Variants in EXOC6B observed in about 807,000 individuals in gnomAD.
The protein encoded by EXOC6B is SEC15 homolog B.
A neutral mutation model predicts 113.5 loss-of-function variants in EXOC6B; 54 were observed. That is an observed-to-expected ratio of 0.48 (90% CI 0.38 to 0.60). The LOEUF is 0.60. Among genes scored for constraint, EXOC6B ranks in the 20% least tolerant of loss-of-function variants. EXOC6B has a pLI of 0.00. For synonymous variants in EXOC6B, 357 were observed against 339.0 expected, an observed-to-expected ratio of 1.05 and a Z score of -0.58; for missense variants, 797 against 977.5, an observed-to-expected ratio of 0.82 and a Z score of 2.46.
At chr2:72,278,437 G>A (rs1004873289) in intron 20 of EXOC6B, among the ~76,000 whole-genome samples, 6 of 152,118 alleles carry the variant, frequency 3.9e-5, no homozygotes, top group African/African-American at 1.4e-4. Context: ...CTTTTCCCTT[G>A]TCTGACATTC....
intron 1 of EXOC6B, among the ~76,000 whole-genome samples, chr2:72,789,134 G>A (rs1684536007): frequency 6.6e-6 from 1 of 152,108 alleles, no homozygotes; most frequent in Non-Finnish European, 1.5e-5. Context: ...TTTCTAATTA[G>A]AATGAGCAAA....
chr2:72,814,863 C>G (rs1015522413), intron 1 of EXOC6B, among the ~76,000 whole-genome samples: 12 of 152,090 alleles, frequency 7.9e-5, no homozygotes, highest in African/African-American at 2.7e-4. Flanking sequence ...TGGTGGCAGG[C>G]GCCTGTAGTC....
Position 72,279,815 on chromosome 2 carries a change from G to GT in EXOC6B, c.2196+55131dup, listed in dbSNP as rs1016118091. Among the ~76,000 whole-genome samples the GT allele has an allele frequency of 7.6e-4, 115 of 150,818 alleles. 1 individual carries two copies. Among genetic ancestry groups the GT allele is most frequent in the African/African-American group, 2.7e-3 (109 of 41,022 alleles). ...GGTTTTTTTTGTTGTTGTTGTTTTT[G>GT]TTTTTTTTAAGAGACAGGGTTTTGC... On this transcript the variant is annotated intron_variant, in intron 20 of 21. Coordinates refer to ENST00000272427, the MANE Select transcript of EXOC6B (RefSeq NM_015189.3).
At chr2:72,413,812 T>C (rs1694349341) in intron 18 of EXOC6B, among the ~76,000 whole-genome samples, 1 of 152,208 alleles carries the variant, frequency 6.6e-6, no homozygotes, top group Non-Finnish European at 1.5e-5. Flanking sequence ...TTACAGACTG[T>C]ATGTATCACC....
At chr2:72,693,055 CTG>C (rs1677614472) in intron 6 of EXOC6B, among the ~76,000 whole-genome samples, 1 of 152,132 alleles carries the variant, frequency 6.6e-6, no homozygotes, top group Admixed American at 6.5e-5. Flanking sequence ...CCAGAGGAAA[CTG>C]AAGAAATTGT....
At chr2:72,780,933 A>G (rs1683998760) in intron 1 of EXOC6B, among the ~76,000 whole-genome samples, 1 of 152,164 alleles carries the variant, frequency 6.6e-6, no homozygotes, top group Non-Finnish European at 1.5e-5. Context: ...AAGGAAAAAA[A>G]AACTTTTAAA....
chr2:72,282,503 TA>T (rs912960082), intron 20 of EXOC6B, among the ~76,000 whole-genome samples: 48 of 145,672 alleles, frequency 3.3e-4, no homozygotes, highest in Admixed American at 6.8e-4. Context: ...AGGAAAAAGT[TA>T]AAAAAAAAAG....
At chr2:72,329,282 G>A (rs928957278) in intron 20 of EXOC6B, among the ~76,000 whole-genome samples, 1 of 151,948 alleles carries the variant, frequency 6.6e-6, no homozygotes, top group African/African-American at 2.4e-5. Flanking sequence ...AAGTACATGT[G>A]GGAAATGGCT....
rs139526540 is a variant in EXOC6B, at chr2:72,311,614, A to T, written c.2196+23333T>A. 5.4e-3 allele frequency among the ~76,000 whole-genome samples: 820 copies of T among 152,304 alleles called. 8 individuals are homozygous for T. The highest frequency in any genetic ancestry group is 0.018 in the African/African-American group (762 of 41,544). On this transcript the variant is annotated intron_variant, in intron 20 of 21. Transcript: ENST00000272427. ...TAATCTTACCATCTCAAGGTCTTTA[A>T]TATCACATCTGCAAAATCTCTTTTA...
chr2:72,807,804 T>C (rs557957878), intron 1 of EXOC6B, among the ~76,000 whole-genome samples: 13 of 150,650 alleles, frequency 8.6e-5, no homozygotes, highest in East Asian at 5.9e-4. Context: ...GGAAGGGTAA[T>C]AGGATGGTTC....
At chr2:72,440,031 T>C (rs1696107056) in intron 18 of EXOC6B, among the ~76,000 whole-genome samples, 1 of 152,088 alleles carries the variant, frequency 6.6e-6, no homozygotes, top group South Asian at 2.1e-4. Context: ...AACGCAAAGA[T>C]AGCAGTCTTC....
intron 6 of EXOC6B, among the ~76,000 whole-genome samples, chr2:72,663,863 T>A (rs1675192138): frequency 6.6e-6 from 1 of 152,116 alleles, no homozygotes; most frequent in Admixed American, 6.5e-5. Flanking sequence ...TTAATAATAA[T>A]GCATCAATAT....
chr2:72,500,112 T>C, intron 11 of EXOC6B, 140 bp from the exon 12 acceptor site: 3 of 631,804 alleles, frequency 4.7e-6, no homozygotes. Context: ...AATTCAACAC[T>C]TCCCTGGTAC....
At chr2:72,746,609 C>A (rs557663068) in intron 1 of EXOC6B, among the ~76,000 whole-genome samples, 2 of 152,176 alleles carry the variant, frequency 1.3e-5, no homozygotes, top group East Asian at 3.9e-4. Flanking sequence ...CAAACCACTA[C>A]AGGATTATAT....
chr2:72,441,475 T>A (rs528952265), intron 18 of EXOC6B, among the ~76,000 whole-genome samples: 45 of 147,832 alleles, frequency 3.0e-4, no homozygotes, highest in Admixed American at 2.6e-3. Context: ...GAAAAAAAAA[T>A]ACAATAGATA....
At chr2:72,622,451 C>T (rs1156718758) in intron 6 of EXOC6B, among the ~76,000 whole-genome samples, 4 of 152,142 alleles carry the variant, frequency 2.6e-5, no homozygotes, top group Non-Finnish European at 1.5e-5. Flanking sequence ...CGGTGGCTCA[C>T]GACTATAATC....
intron 6 of EXOC6B, among the ~76,000 whole-genome samples, chr2:72,613,330 A>G (rs1012444335): frequency 1.1e-4 from 16 of 152,262 alleles, no homozygotes; most frequent in African/African-American, 3.1e-4. Context: ...TTAAGCCTAT[A>G]GTCAGTTATA....
intron 5 of EXOC6B, chr2:72,721,960 C>T (rs1558949134): frequency 6.8e-6 from 1 of 147,592 alleles, no homozygotes; most frequent in African/African-American, 2.5e-5. Context: ...CCACTTCATG[C>T]ATCAACCTGG....
At chr2:72,318,638 C>T (rs1687666632) in intron 20 of EXOC6B, among the ~76,000 whole-genome samples, 1 of 152,146 alleles carries the variant, frequency 6.6e-6, no homozygotes, top group South Asian at 2.1e-4. Context: ...GTAATCCACC[C>T]ACCTCTAGTA....
Sources: allele counts gnomAD v4.1 joint callset (sites outside exome capture counted in the v4.1 genomes callset), GRCh38; gene constraint gnomAD v4.1.1; transcripts MANE v1.5; gene names NCBI Gene and HGNC (gene_info 2026-07-23, HGNC 2026-07-21).